Variants in MAPK6 observed in about 807,000 individuals in gnomAD.
MAPK6 encodes mitogen-activated protein kinase 6.
Under a neutral mutation model 59.3 loss-of-function variants are expected in MAPK6, and 19 were observed. The ratio of observed to expected loss-of-function variants is 0.32; its 90% CI spans 0.22 to 0.47. The LOEUF (loss-of-function observed/expected upper bound fraction) is 0.47, where lower values mean the gene tolerates loss of function less well. Ranked by LOEUF, MAPK6 falls within the 20% of genes least tolerant of loss-of-function variation. The pLI, the probability that MAPK6 is intolerant of heterozygous loss-of-function variation, is 1.00. For synonymous variants in MAPK6, 316 were observed against 290.3 expected (o/e 1.09, Z -0.90); for missense variants, 724 against 847.9 (o/e 0.85, Z 1.81).
At chr15:52,043,015 T>A (rs915681394) in intron 1 of MAPK6, among the ~76,000 whole-genome samples, 1 of 152,030 alleles carries the variant, frequency 6.6e-6, no homozygotes, top group African/African-American at 2.4e-5. Context: ...TCCCAGCTAC[T>A]TGGGGGGCTG....
At position 52,039,841 on chromosome 15, in the gene MAPK6, T is replaced by C. The variant is rs184480967; in HGVS notation, c.-631-5989T>C. Among the ~76,000 whole-genome samples, 44 of 152,312 alleles carry C rather than the reference T, an allele frequency of 2.9e-4. 5 individuals are homozygous for C. Among genetic ancestry groups the C allele is most frequent in the South Asian group, 1.9e-3 (9 of 4,826 alleles). On this transcript the variant is annotated intron_variant, in intron 1 of 5. Coordinates refer to ENST00000261845, the MANE Select transcript of MAPK6 (RefSeq NM_002748.4). Reference sequence around the variant, plus strand: ...CTGTTTTGTCTTTAAATTGGATACTTTGTTACTGTCTTCTCTGACTTTGAA... The same window carrying C: ...CTGTTTTGTCTTTAAATTGGATACTCTGTTACTGTCTTCTCTGACTTTGAA...
intron 1 of MAPK6, among the ~76,000 whole-genome samples, chr15:52,021,943 A>G (rs1324720864): frequency 1.3e-5 from 2 of 152,170 alleles, no homozygotes; most frequent in African/African-American, 2.4e-5. Context: ...GTAATAAGAT[A>G]AATCTTTTGA....
intron 5 of MAPK6, among the ~76,000 whole-genome samples, chr15:52,063,428 TGTCA>T (rs1159036647): frequency 6.6e-6 from 1 of 152,188 alleles, no homozygotes; most frequent in Non-Finnish European, 1.5e-5. Context: ...TGATTATACA[TGTCA>T]GTAATAGGAT....
At position 52,019,220 on chromosome 15, in the gene MAPK6, T is replaced by G. The variant is rs1390432519; in HGVS notation, c.-788T>G. ...TGGCACCGCGAAGCCCCGCCCCCTC[T>G]TCCTCGCCCTCTCTCGCGGGTCGGG... On this transcript the variant is annotated 5_prime_UTR_variant, in exon 1 of 6. Coordinates refer to ENST00000261845, the MANE Select transcript of MAPK6 (RefSeq NM_002748.4). 1 of 151,856 alleles carries G rather than the reference T, an allele frequency of 6.6e-6. No homozygotes were observed. Among genetic ancestry groups the G allele is most frequent in the South Asian group, 2.1e-4 (1 of 4,816 alleles). The allele number at this position is 151,856 out of a possible 1,614,324, so 9.4% of individuals were successfully genotyped here.
chr15:52,038,743 C>A (rs1002349172), intron 1 of MAPK6, among the ~76,000 whole-genome samples: 1 of 151,888 alleles, frequency 6.6e-6, no homozygotes, highest in African/African-American at 2.4e-5. Context: ...AGCCTCCTGC[C>A]GGGAGGAAGA....
chr15:52,035,984 A>G (rs2031227999), intron 1 of MAPK6, among the ~76,000 whole-genome samples: 1 of 151,798 alleles, frequency 6.6e-6, no homozygotes, highest in Non-Finnish European at 1.5e-5. Flanking sequence ...GAGGCTTGGT[A>G]TCTTGCAACT....
At chr15:51,979,870 G>A (rs1045050809) in intron 1 of MAPK6, among the ~76,000 whole-genome samples, 17 of 151,872 alleles carry the variant, frequency 1.1e-4, no homozygotes, top group African/African-American at 3.9e-4. Context: ...CTGGAAGACT[G>A]CATCAGAAGC....
intron 2 of MAPK6, among the ~76,000 whole-genome samples, chr15:52,003,936 C>T (rs2057250100): frequency 6.6e-6 from 1 of 152,224 alleles, no homozygotes; most frequent in Admixed American, 6.5e-5. Flanking sequence ...ATGCAAAATG[C>T]TTATTGCCTC....
At chr15:52,003,018 C>A (rs544618149) in intron 2 of MAPK6, among the ~76,000 whole-genome samples, 2 of 152,122 alleles carry the variant, frequency 1.3e-5, no homozygotes, top group Non-Finnish European at 2.9e-5. Flanking sequence ...GAAACCCCGT[C>A]TCTACTAAAA....
chr15:52,057,397 G>A (rs1379783169), intron 3 of MAPK6: 1 of 152,186 alleles, frequency 6.6e-6, no homozygotes, highest in Admixed American at 6.5e-5. Context: ...CTCTCCTTTT[G>A]CTACACTTGT....
chr15:52,008,176 G>T (rs998380374), intron 3 of MAPK6, among the ~76,000 whole-genome samples: 1 of 151,986 alleles, frequency 6.6e-6, no homozygotes, highest in African/African-American at 2.4e-5. Context: ...CACACACATT[G>T]TACTAACACT....
Position 51,998,975 on chromosome 15 carries a change from C to A in MAPK6, c.-769-5290C>A, listed in dbSNP as rs548492615. On this transcript the variant is annotated intron_variant, in intron 2 of 7. Transcript: ENST00000691380. ...AGAGTGCTGGGATTACAGGCAGGAG[C>A]CACCGCGCCCGGCCTTTTTTTTTTG... Among the ~76,000 whole-genome samples, 32 of 149,118 alleles carry A rather than the reference C, an allele frequency of 2.1e-4. No homozygotes were observed. The Admixed American group carries it at 2.2e-3, about 10-fold the overall frequency.
chr15:52,037,312 C>G (rs544984748), intron 1 of MAPK6, among the ~76,000 whole-genome samples: 1 of 152,154 alleles, frequency 6.6e-6, no homozygotes, highest in Non-Finnish European at 1.5e-5. Flanking sequence ...TATGGCCTTG[C>G]ATAATGTGAC....
intron 1 of MAPK6, among the ~76,000 whole-genome samples, chr15:51,973,859 T>C (rs1488036835): frequency 1.3e-5 from 2 of 151,758 alleles, no homozygotes; most frequent in African/African-American, 4.8e-5. Flanking sequence ...ATCATGTTAG[T>C]CAGGCTGGTC....
intron 2 of MAPK6, among the ~76,000 whole-genome samples, chr15:51,983,842 G>C (rs527996863): frequency 1.2e-4 from 19 of 152,130 alleles, no homozygotes; most frequent in African/African-American, 4.6e-4. Context: ...ACAGCCTTTT[G>C]AAAGGGCAAT....
rs1019976976 is a variant in MAPK6, at chr15:52,067,027, G to T, written c.*2027G>T. Reference sequence around the variant, plus strand: ...AGGAAGCAACGGGCAGCAGACATTGGTCCCTGATCCTCCATTATAACCAAT... The same window carrying T: ...AGGAAGCAACGGGCAGCAGACATTGTTCCCTGATCCTCCATTATAACCAAT... On this transcript the variant is annotated 3_prime_UTR_variant, in exon 6 of 6. Coordinates refer to ENST00000261845, the MANE Select transcript of MAPK6 (RefSeq NM_002748.4). 6.6e-6 allele frequency: 1 copy of T among 152,118 alleles called. No individual in the cohort carries two copies. The highest frequency in any genetic ancestry group is 1.5e-5 in the Non-Finnish European group (1 of 68,020). 9.4% of individuals were successfully genotyped at this position (152,118 alleles called of 1,614,324 possible).
chr15:51,996,982 A>AT (rs2057226315), intron 2 of MAPK6, among the ~76,000 whole-genome samples: 2 of 149,314 alleles, frequency 1.3e-5, no homozygotes, highest in African/African-American at 5.0e-5. Flanking sequence ...CATGCCAGGA[A>AT]ATTTTTTTTT....
At chr15:52,013,669 A>G (rs1265228796) in intron 3 of MAPK6, among the ~76,000 whole-genome samples, 1 of 152,122 alleles carries the variant, frequency 6.6e-6, no homozygotes, top group Non-Finnish European at 1.5e-5. Flanking sequence ...CTCATGAGAT[A>G]CAGTTTGGTT....
chr15:52,046,809 A>C lies in MAPK6; in HGVS notation c.349A>C (p.Asn117His). ...VQEYMETDLA[N>H]VLEQGPLLEE... The stretch of plus-strand genomic sequence containing the variant: ...GGAGTACATGGAGACAGACTTGGCT[A>C]ATGTGCTGGAGCAGGGCCCTTTACT... The change falls in exon 2 of 6, where the codon AAT becomes CAT. Residue 117 changes from asparagine to histidine, a missense_variant. Around this residue, in one of 4 missense-constraint regions of MAPK6, gnomAD observed 87 missense variants for 93.0 expected, o/e 0.93. Coordinates refer to ENST00000261845, the MANE Select transcript of MAPK6 (RefSeq NM_002748.4). 6.2e-7 allele frequency: 1 copy of C among 1,613,942 alleles called. No individual in the cohort carries two copies. The highest frequency in any genetic ancestry group is 1.1e-5 in the South Asian group (1 of 91,036).
Sources: gnomAD v4.1 joint callset for allele counts (sites outside exome capture counted in the v4.1 genomes callset) on GRCh38, gnomAD v4.1.1 for gene constraint, gnomAD v4.1.1 regional missense constraint, MANE v1.5 for transcripts, NCBI Gene and HGNC (gene_info 2026-07-23, HGNC 2026-07-21) for gene names.